KIF18A: variants seen among roughly 807,000 people sequenced by gnomAD.
KIF18A encodes kinesin-like protein KIF18A.
A neutral mutation model predicts 103.3 loss-of-function variants in KIF18A; 67 were observed. That is an observed-to-expected ratio of 0.65 (90% CI 0.53 to 0.79). The LOEUF is 0.79. Ranked by LOEUF, KIF18A falls within the 30% of genes least tolerant of loss-of-function variation. The pLI, the probability that KIF18A is intolerant of heterozygous loss-of-function variation, is 0.00. For synonymous variants in KIF18A, 367 were observed against 355.5 expected (o/e 1.03, Z -0.36); for missense variants, 1,032 against 1,062.5 (o/e 0.97, Z 0.40).
rs1359604145 is a variant in KIF18A at position 28,077,102 on chromosome 11, C to T, written c.1330G>A (p.Glu444Lys). 6.3e-7 allele frequency: 1 copy of T among 1,577,368 alleles called. No individual in the cohort carries two copies. The highest frequency in any genetic ancestry group is 2.3e-5 in the East Asian group (1 of 43,230). Residue 444 changes from glutamate to lysine, a missense_variant, in exon 10 of 17, where the codon GAA (glutamate) becomes AAA (lysine). Physicochemically the swap from Glu to Lys is moderately conservative, Grantham distance 56. Coordinates refer to ENST00000263181, the MANE Select transcript of KIF18A (RefSeq NM_031217.4). The stretch of plus-strand genomic sequence containing the variant: ...AGTTCATTTTCTTTAAGTAACATTT[C>T]CAACTTCAGATATTCTTGTCTAATT... ...EEIRQEYLKLEMLLKENELKS... is the reference protein window; with the variant it reads ...EEIRQEYLKLKMLLKENELKS...
At chr11:28,084,433 TA>T in intron 7 of KIF18A, 198 bp downstream of exon 7, 1 of 191,302 alleles carries the variant, frequency 5.2e-6, no homozygotes, top group Non-Finnish European at 1.1e-5. Flanking sequence ...CTATTATATA[TA>T]TATATATATA....
chr11:28,077,108 T>G lies in KIF18A; in HGVS notation c.1324A>C (p.Lys442Gln). The G allele has an allele frequency of 6.3e-7, 1 of 1,577,332 alleles. No individual in the cohort carries two copies. The highest frequency in any genetic ancestry group is 8.6e-7 in the Non-Finnish European group (1 of 1,167,956). ...NREEIRQEYL[K>Q]LEMLLKENEL... The stretch of plus-strand genomic sequence containing the variant: ...TTTTCTTTAAGTAACATTTCCAACT[T>G]CAGATATTCTTGTCTAATTTCTTCT... The change falls in exon 10 of 17, where the codon AAG becomes CAG. Residue 442 changes from lysine (K) to glutamine (Q), a missense_variant. Lys to Gln is a moderately conservative substitution (Grantham distance 53). Coordinates refer to ENST00000263181, the MANE Select transcript of KIF18A (RefSeq NM_031217.4).
chr11:28,040,612 C>T (rs1850546913), intron 13 of KIF18A, among the ~76,000 whole-genome samples: 1 of 151,632 alleles, frequency 6.6e-6, no homozygotes. Context: ...GGGTGCTACA[C>T]AGAAGGGAAC....
rs1297051722 is a variant in KIF18A, at chr11:28,062,509, T to C, written c.1598A>G (p.Lys533Arg). ...SQNGHIPKELKKDLHCHHLHL... is the reference protein window; with the variant it reads ...SQNGHIPKELRKDLHCHHLHL... ...CAAATGGTGACAATGAAGATCTTTCTTGAGTTCCTAGGGCAAACAATACAA... is the reference window on the plus strand; with the variant it reads ...CAAATGGTGACAATGAAGATCTTTCCTGAGTTCCTAGGGCAAACAATACAA... Residue 533 changes from lysine to arginine, a missense_variant, in exon 12 of 17, where the codon AAG becomes AGG. Coordinates refer to ENST00000263181, the MANE Select transcript of KIF18A (RefSeq NM_031217.4). The C allele has an allele frequency of 6.8e-6, 11 of 1,610,246 alleles. No homozygotes were observed. The African/African-American group carries it at 1.5e-4, about 22-fold the overall frequency.
At chr11:28,102,377 G>A (rs966909450) in intron 1 of KIF18A, among the ~76,000 whole-genome samples, 3 of 152,230 alleles carry the variant, frequency 2.0e-5, no homozygotes, top group African/African-American at 4.8e-5. Context: ...GGAAGCCCCC[G>A]CTTTGAGTTG....
At chr11:28,090,502 G>T in intron 5 of KIF18A, 115 bp downstream of exon 5, 1 of 610,628 alleles carries the variant, frequency 1.6e-6, no homozygotes, top group Non-Finnish European at 2.9e-6. Flanking sequence ...GGAAAGTACT[G>T]ACAAGTGAAG....
At chr11:28,098,598 C>T (rs1407585134) in intron 1 of KIF18A, among the ~76,000 whole-genome samples, 1 of 152,034 alleles carries the variant, frequency 6.6e-6, no homozygotes, top group Non-Finnish European at 1.5e-5. Context: ...TAGCTCAGGT[C>T]TGAAGGTGAT....
At chr11:28,068,920 A>G (rs1850973015) in intron 11 of KIF18A, among the ~76,000 whole-genome samples, 1 of 152,092 alleles carries the variant, frequency 6.6e-6, no homozygotes, top group Non-Finnish European at 1.5e-5. Flanking sequence ...CTTCAGTTAC[A>G]CACACACACC....
intron 3 of KIF18A, among the ~76,000 whole-genome samples, chr11:28,093,441 G>A (rs1851328803): frequency 6.6e-6 from 1 of 152,044 alleles, no homozygotes; most frequent in Admixed American, 6.6e-5. Flanking sequence ...AAATAAATAG[G>A]CAATGAAATC....
At chr11:28,073,386 G>T (rs1851047316) in intron 10 of KIF18A, among the ~76,000 whole-genome samples, 1 of 152,034 alleles carries the variant, frequency 6.6e-6, no homozygotes, top group South Asian at 2.1e-4. Context: ...TTTCCACCAG[G>T]AAGCCTTCTT....
chr11:28,024,872 G>C (rs1171770185), intron 15 of KIF18A, among the ~76,000 whole-genome samples: 2 of 151,898 alleles, frequency 1.3e-5, no homozygotes, highest in Admixed American at 1.3e-4. Flanking sequence ...CTTATCGACG[G>C]GGGGGATATC....
intron 13 of KIF18A, among the ~76,000 whole-genome samples, chr11:28,058,662 C>CAAAAAAAAAAAAAAAAAA (rs58273868): frequency 1.6e-5 from 1 of 64,450 alleles, no homozygotes; most frequent in African/African-American, 5.5e-5. Flanking sequence ...ACCCTGTCAC[C>CAAAAAAAAAAAAAAAAAA]AAAAAAAAAA....
chr11:28,037,091 G>A (rs998754468), intron 13 of KIF18A, among the ~76,000 whole-genome samples: 2 of 151,368 alleles, frequency 1.3e-5, no homozygotes, highest in Admixed American at 6.6e-5. Context: ...TATTACTTTT[G>A]TTTTGCCTTG....
At chr11:28,077,304 GTAA>G in intron 9 of KIF18A, 135 bp from the exon 10 acceptor site, 1 of 542,336 alleles carries the variant, frequency 1.8e-6, no homozygotes, top group Non-Finnish European at 3.1e-6. Context: ...CAGCAAATAG[GTAA>G]AAATGACTAT....
intron 16 of KIF18A, among the ~76,000 whole-genome samples, chr11:28,022,291 G>GT (rs1306777694): frequency 6.6e-6 from 1 of 150,748 alleles, no homozygotes; most frequent in African/African-American, 2.4e-5. Flanking sequence ...TTGAGACGGA[G>GT]TTTTGCTCAG....
chr11:28,036,293 CACATATAGTAAATGTA>C lies in KIF18A; in HGVS notation c.2304_2319del (p.Thr769LysfsTer50), dbSNP rs762724458. 6.2e-7 allele frequency: 1 copy of C among 1,610,454 alleles called. No homozygotes were observed. The highest frequency in any genetic ancestry group is 8.5e-7 in the Non-Finnish European group (1 of 1,177,822). ...TTACACTTCGAGCTCTTGATGTCTT[CACATATAGTAAATGTA>C]GAGTCCAAGTCCTCCTGTCCACATT... On this transcript the variant is annotated frameshift_variant, in exon 14 of 17. Transcript: ENST00000263181. LOFTEE classifies it high-confidence loss of function.
chr11:28,063,581 C>A (rs1220138551), intron 11 of KIF18A, among the ~76,000 whole-genome samples: 2 of 151,914 alleles, frequency 1.3e-5, no homozygotes, highest in Non-Finnish European at 1.5e-5. Flanking sequence ...CTTAAACCTA[C>A]TAAACCTTAT....
intron 15 of KIF18A, among the ~76,000 whole-genome samples, chr11:28,026,777 AAATT>A (rs1371316670): frequency 1.3e-5 from 2 of 151,792 alleles, no homozygotes; most frequent in African/African-American, 4.8e-5. Context: ...AAACTCACTA[AAATT>A]AATTAATGGA....
At chr11:28,076,817 C>T (rs145543285) in intron 10 of KIF18A, 190 bp downstream of exon 10, 4 of 348,532 alleles carry the variant, frequency 1.1e-5, no homozygotes, top group African/African-American at 4.3e-5. Flanking sequence ...GCTTGTAATA[C>T]CAGCTAGCTG....
Sources: allele counts gnomAD v4.1 joint callset (sites outside exome capture counted in the v4.1 genomes callset), GRCh38; gene constraint gnomAD v4.1.1; transcripts MANE v1.5; gene names NCBI Gene and HGNC (gene_info 2026-07-23, HGNC 2026-07-21).